RANGAP1: variants seen among roughly 807,000 people sequenced by gnomAD.
RANGAP1 encodes Ran GTPase activating protein 1, also known as ran GTPase-activating protein 1.
In RANGAP1, 38 loss-of-function variants were observed where a neutral mutation model predicts 63.5. The ratio of observed to expected loss-of-function variants is 0.60; its 90% confidence interval spans 0.46 to 0.78. The LOEUF (loss-of-function observed/expected upper bound fraction) is 0.78. RANGAP1 is among the 30% of genes least tolerant of loss of function. The probability of loss-of-function intolerance (pLI) is 0.00; values close to 1 mark genes in which losing one functional copy is unlikely to be tolerated. For synonymous variants in RANGAP1, 329 were observed against 310.5 expected (o/e 1.06, Z -0.63); for missense variants, 630 against 740.3 (o/e 0.85, Z 1.73).
intron 1 of RANGAP1, among the ~76,000 whole-genome samples, chr22:41,282,707 G>A (rs1367186706): frequency 5.3e-5 from 8 of 152,208 alleles, no homozygotes; most frequent in Non-Finnish European, 1.2e-4. Context: ...GAGTACATGT[G>A]AGATTAAATG....
chr22:41,284,814 T>G (rs939475566), intron 1 of RANGAP1: 3 of 152,208 alleles, frequency 2.0e-5, no homozygotes, highest in Non-Finnish European at 4.4e-5. Context: ...GAGGCTACAG[T>G]GAGCTGAGAT....
intron 3 of RANGAP1, 24 bp downstream of exon 3, chr22:41,274,576 G>A (rs1220708749): frequency 2.5e-6 from 4 of 1,613,490 alleles, no homozygotes; most frequent in Non-Finnish European, 3.4e-6. Flanking sequence ...ACCAGCCTGG[G>A]CCTACTCGCC....
intron 1 of RANGAP1, among the ~76,000 whole-genome samples, chr22:41,284,537 A>C (rs560458434): frequency 6.6e-6 from 1 of 152,044 alleles, no homozygotes; most frequent in South Asian, 2.1e-4. Flanking sequence ...ATTGCACTCC[A>C]ACGTGGGCAA....
At chr22:41,254,079 G>A (rs556654029) in intron 11 of RANGAP1, among the ~76,000 whole-genome samples, 1 of 151,182 alleles carries the variant, frequency 6.6e-6, no homozygotes, top group Admixed American at 6.6e-5. Context: ...CTGCACTCCA[G>A]CCTGGGTGAC....
At chr22:41,278,830 G>A (rs1008813627) in intron 2 of RANGAP1, among the ~76,000 whole-genome samples, 4 of 151,678 alleles carry the variant, frequency 2.6e-5, no homozygotes, top group African/African-American at 9.7e-5. Flanking sequence ...GCAAAACCCC[G>A]TCTCTACTAA....
At chr22:41,287,378 T>TTG (rs1555950540), upstream of RANGAP1, among the ~76,000 whole-genome samples, 4 of 130,780 alleles carry the variant, frequency 3.1e-5, no homozygotes, top group East Asian at 4.0e-4. Context: ...AGCGTTTTTT[T>TTG]TTTGTTTTTT....
At chr22:41,281,191 T>C in intron 1 of RANGAP1, 109 bp from the exon 2 acceptor site, 1 of 1,222,274 alleles carries the variant, frequency 8.2e-7, no homozygotes, top group Non-Finnish European at 1.1e-6. Context: ...TCCCCTGCTA[T>C]GGAGACCCTA....
chr22:41,278,904 C>G (rs1374243908), intron 2 of RANGAP1, among the ~76,000 whole-genome samples: 2 of 151,552 alleles, frequency 1.3e-5, no homozygotes, highest in Admixed American at 1.3e-4. Context: ...TTTGGGAGGC[C>G]GAGGTGAGAG....
chr22:41,282,486 A>C (rs1033960496), intron 1 of RANGAP1: 1 of 151,990 alleles, frequency 6.6e-6, no homozygotes, highest in African/African-American at 2.4e-5. Flanking sequence ...TGTCCAGCTA[A>C]TTTTTTTGTA....
At chr22:41,248,426 G>A (rs2145668808) in intron 15 of RANGAP1, among the ~76,000 whole-genome samples, 1 of 152,360 alleles carries the variant, frequency 6.6e-6, no homozygotes, top group East Asian at 1.9e-4. Context: ...CCAGCTGGGT[G>A]CTGGAGGCCA....
the RANGAP1 span, among the ~76,000 whole-genome samples, chr22:41,299,147 T>C: frequency 9.2e-5 from 14 of 152,242 alleles, no homozygotes; most frequent in East Asian, 2.3e-3. Flanking sequence ...ATTTTTTTTT[T>C]TTTGAGATGG....
chr22:41,283,603 T>C (rs1298287364), intron 1 of RANGAP1, among the ~76,000 whole-genome samples: 1 of 152,158 alleles, frequency 6.6e-6, no homozygotes, highest in African/African-American at 2.4e-5. Flanking sequence ...TATCAGGGAT[T>C]GGGCCATGCA....
At chr22:41,263,182 A>C (rs1168549739) in intron 5 of RANGAP1, among the ~76,000 whole-genome samples, 2 of 152,134 alleles carry the variant, frequency 1.3e-5, no homozygotes, top group Non-Finnish European at 2.9e-5. Flanking sequence ...CAGGCCAGAC[A>C]ACTCCTGGCC....
intron 12 of RANGAP1, 145 bp from the exon 13 acceptor site, chr22:41,251,254 G>A: frequency 1.6e-6 from 1 of 617,208 alleles, no homozygotes; most frequent in Non-Finnish European, 2.9e-6. Context: ...TGTCCCTTCA[G>A]AGTCTGGCTT....
At chr22:41,255,964 G>T (rs555823176) in intron 10 of RANGAP1, 57 bp downstream of exon 10, 2 of 1,452,528 alleles carry the variant, frequency 1.4e-6, no homozygotes, top group South Asian at 1.2e-5. Context: ...AAGAACAAAA[G>T]AAAGAAAGAA....
chr22:41,256,133 G>T lies in RANGAP1; in HGVS notation c.989-28C>A, dbSNP rs973172330. 4 of 1,613,962 alleles carry T rather than the reference G, an allele frequency of 2.5e-6. No individual in the cohort carries two copies. The East Asian group carries it at 8.9e-5, about 36-fold the overall frequency. ...GCTCAAGGGGAGGGAAGAGCAGTCA[G>T]CCGGGGTGCCAGGGCCAGCCTAGCA... On this transcript the variant is annotated intron_variant, in intron 9 of 15. Transcript: ENST00000356244.
Position 41,278,296 on chromosome 22 carries a change from C to G in RANGAP1, c.112+2637G>C, listed in dbSNP as rs193245146. 1.8e-3 allele frequency among the ~76,000 whole-genome samples: 278 copies of G among 152,282 alleles called. 1 individual carries two copies. Among genetic ancestry groups the G allele is most frequent in the African/African-American group, 6.3e-3 (263 of 41,582 alleles). ...TCAGGTGATCTGCCCACCTCGGCCT[C>G]CCAAAGTGCTGGGATTACAGGCGTG... On this transcript the variant is annotated intron_variant, in intron 2 of 15. Transcript: ENST00000356244.
In RANGAP1 at chr22:41,256,683, G is replaced by C. The variant is rs1413798245; in HGVS notation, c.888+28C>G. 1.9e-6 allele frequency: 3 copies of C among 1,594,648 alleles called. No homozygotes were observed. The Admixed American group carries it at 5.0e-5, about 27-fold the overall frequency. ...GCCCCACCACCCACAGACCCCAGAG[G>C]GAGGACGTCAGGCGTCCAGGCTGGC... On this transcript the variant is annotated intron_variant, in intron 8 of 15. Coordinates refer to ENST00000356244, the MANE Select transcript of RANGAP1 (RefSeq NM_002883.4).
At chr22:41,264,517 G>A (rs893281120) in intron 5 of RANGAP1, 147 bp downstream of exon 5, 13 of 1,088,682 alleles carry the variant, frequency 1.2e-5, no homozygotes, top group South Asian at 8.8e-5. Flanking sequence ...TCTACCCTCC[G>A]GCCACAGGCT....
Sources: allele counts gnomAD v4.1 joint callset (sites outside exome capture counted in the v4.1 genomes callset), GRCh38; gene constraint gnomAD v4.1.1; transcripts MANE v1.5; gene names NCBI Gene and HGNC (gene_info 2026-07-23, HGNC 2026-07-21).